The following HDGFL2 variants were observed in gnomAD, a reference collection of about 807,000 sequenced individuals.
HDGFL2 encodes HDGF like 2, also known as hepatoma-derived growth factor-related protein 2.
A neutral mutation model predicts 77.1 loss-of-function variants in HDGFL2; 36 were observed. The ratio of observed to expected loss-of-function variants is 0.47; its 90% CI spans 0.36 to 0.62. The LOEUF (loss-of-function observed/expected upper bound fraction) is 0.62. Among genes scored for constraint, HDGFL2 ranks in the 20% least tolerant of loss-of-function variants. HDGFL2 has a pLI of 0.00. For missense variants in HDGFL2, 976 were observed against 973.4 expected, an observed-to-expected ratio of 1.00 and a Z score of -0.04; for synonymous variants, 463 against 413.1, an observed-to-expected ratio of 1.12 and a Z score of -1.46.
At chr19:4,490,726 A>C (rs995006731) in intron 4 of HDGFL2, among the ~76,000 whole-genome samples, 7 of 152,228 alleles carry the variant, frequency 4.6e-5, no homozygotes, top group African/African-American at 1.7e-4. Context: ...GGAAAATGCA[A>C]AGAACAGAGA....
intron 1 of HDGFL2, among the ~76,000 whole-genome samples, chr19:4,472,954 G>T (rs1028566144): frequency 1.9e-4 from 28 of 150,440 alleles, no homozygotes; most frequent in African/African-American, 6.8e-4. Context: ...GGTGTCTGCG[G>T]CCTGAGAGAC....
At chr19:4,490,864 T>G in intron 4 of HDGFL2, among the ~76,000 whole-genome samples, 1 of 150,038 alleles carries the variant, frequency 6.7e-6, no homozygotes, top group Non-Finnish European at 1.5e-5. Context: ...CAGGCTGGAG[T>G]GTGATGGCGC....
intron 6 of HDGFL2, among the ~76,000 whole-genome samples, chr19:4,493,002 T>TG (rs1975573562): frequency 7.8e-6 from 1 of 127,936 alleles, no homozygotes; most frequent in African/African-American, 3.1e-5. Flanking sequence ...GTGTGTGTGG[T>TG]TGTGTGTGGT....
intron 3 of HDGFL2, among the ~76,000 whole-genome samples, chr19:4,480,540 G>C (rs1259159328): frequency 6.6e-6 from 1 of 152,190 alleles, no homozygotes; most frequent in Non-Finnish European, 1.5e-5. Flanking sequence ...CCAATGGGGT[G>C]AAACCCCATC....
intron 4 of HDGFL2, 35 bp from the exon 5 acceptor site, chr19:4,491,531 C>G: frequency 6.3e-7 from 1 of 1,586,122 alleles, no homozygotes; most frequent in South Asian, 1.1e-5. Flanking sequence ...GCCCGGCCTT[C>G]CCATCACTGA....
intron 4 of HDGFL2, among the ~76,000 whole-genome samples, chr19:4,490,907 G>T (rs141742577): frequency 6.6e-6 from 1 of 151,710 alleles, no homozygotes; most frequent in African/African-American, 2.4e-5. Flanking sequence ...TGCCTCCCAG[G>T]TTCAAGCGAT....
chr19:4,475,209 G>T, intron 1 of HDGFL2, 66 bp from the exon 2 acceptor site: 1 of 1,436,100 alleles, frequency 7.0e-7, no homozygotes, highest in Non-Finnish European at 9.7e-7. Flanking sequence ...AAGTAACTTG[G>T]CTGATTTCTC....
rs1975620423 is a variant in HDGFL2, at chr19:4,493,852, C to G, written c.828C>G (p.Gly276=). 1.3e-6 allele frequency: 2 copies of G among 1,507,720 alleles called. No individual in the cohort carries two copies. The highest frequency in any genetic ancestry group is 1.8e-6 in the Non-Finnish European group (2 of 1,121,724). The allele number at this position is 1,507,720 out of a possible 1,614,324, so 93.4% of individuals were successfully genotyped here. A position where few individuals can be genotyped will look rare whatever the true frequency, so the allele number is the denominator to read the frequency against. ...TGTCTGTGAAGAAGCCTCCGAGGGG[C>G]AGGAAGCCAGGTAGGGCCCTCGTGC... is the stretch of plus-strand genomic sequence containing the variant. ...SDVSVKKPPR[G]RKPAEKPLPK... The change falls in exon 7 of 16, where the codon GGC becomes GGG. Residue 276 remains glycine, a synonymous_variant. Coordinates refer to ENST00000616600, the MANE Select transcript of HDGFL2 (RefSeq NM_001001520.3).
intron 4 of HDGFL2, among the ~76,000 whole-genome samples, chr19:4,490,210 C>T (rs1200023875): frequency 6.6e-6 from 1 of 152,222 alleles, no homozygotes; most frequent in Non-Finnish European, 1.5e-5. Flanking sequence ...GCCTCAGCCT[C>T]CTGAGTAACT....
chr19:4,491,840 C>A lies in HDGFL2; in HGVS notation c.678+5C>A. 1 of 1,612,796 alleles carries A rather than the reference C, an allele frequency of 6.2e-7. No individual in the cohort carries two copies. The highest frequency in any genetic ancestry group is 8.5e-7 in the Non-Finnish European group (1 of 1,178,972). On this transcript the variant is annotated splice_donor_5th_base_variant and intron_variant, in intron 6 of 15. Coordinates refer to ENST00000616600, the MANE Select transcript of HDGFL2 (RefSeq NM_001001520.3). ...CTGGGGGGACGGAAAAAAAAGGTAG[C>A]GTGCACTTGACTTTGTTTCCCATGC...
At chr19:4,494,683 G>A (rs1400213010) in intron 9 of HDGFL2, among the ~76,000 whole-genome samples, 1 of 152,184 alleles carries the variant, frequency 6.6e-6, no homozygotes, top group Non-Finnish European at 1.5e-5. Context: ...ACTTTGGGCA[G>A]CTGAAGTGGG....
intron 13 of HDGFL2, 73 bp downstream of exon 13, chr19:4,498,988 G>A (rs955425181): frequency 3.8e-6 from 4 of 1,063,388 alleles, no homozygotes; most frequent in Non-Finnish European, 4.2e-6. Context: ...GGGAGCCCAG[G>A]CCCCCAGCAG....
At chr19:4,497,214 CAG>C (rs1975728832) in intron 10 of HDGFL2, 12 of 431,756 alleles carry the variant, frequency 2.8e-5, no homozygotes, top group South Asian at 6.5e-5. Context: ...TTTTTTGAGA[CAG>C]AGTCTTGGGC....
At chr19:4,497,733 CG>C in intron 10 of HDGFL2, 1 of 555,404 alleles carries the variant, frequency 1.8e-6, no homozygotes, top group Non-Finnish European at 3.2e-6. Context: ...CATGAGAACT[CG>C]GGAAAAGGCT....
In HDGFL2 at chr19:4,497,942, G is replaced by A. The variant is rs1231342078; in HGVS notation, c.1329-16G>A. 6.4e-7 allele frequency: 1 copy of A among 1,550,800 alleles called. No individual in the cohort carries two copies. Among genetic ancestry groups the A allele is most frequent in the Admixed American group, 2.0e-5 (1 of 51,016 alleles). ...GCCGGTGACGGGGCCCGACTGAGGG[G>A]AGCACTTCTCCACAGGCCCGTGAAG... is the stretch of plus-strand genomic sequence containing the variant. On this transcript the variant is annotated splice_polypyrimidine_tract_variant and intron_variant, in intron 10 of 15. Coordinates refer to ENST00000616600, the MANE Select transcript of HDGFL2 (RefSeq NM_001001520.3).
chr19:4,475,205 C>G (rs1209028879), intron 1 of HDGFL2, 70 bp from the exon 2 acceptor site: 2 of 1,403,798 alleles, frequency 1.4e-6, no homozygotes, highest in Non-Finnish European at 2.0e-6. Flanking sequence ...CCCCAAGTAA[C>G]TTGGCTGATT....
chr19:4,494,553 C>T (rs1270776017), intron 9 of HDGFL2, 78 bp downstream of exon 9: 4 of 1,116,488 alleles, frequency 3.6e-6, no homozygotes, highest in Non-Finnish European at 4.6e-6. Flanking sequence ...GAGGCAGTAT[C>T]CCAGGTTCCG....
At chr19:4,501,748 G>A (rs963747195) in intron 15 of HDGFL2, 163 bp from the exon 16 acceptor site, 1 of 563,868 alleles carries the variant, frequency 1.8e-6, no homozygotes, top group Non-Finnish European at 3.0e-6. Context: ...CCTGGAGATG[G>A]TTGTGGTCTC....
intron 10 of HDGFL2, among the ~76,000 whole-genome samples, chr19:4,496,671 G>C (rs555232853): frequency 1.3e-5 from 2 of 152,240 alleles, no homozygotes; most frequent in East Asian, 3.9e-4. Context: ...TGTCATGACT[G>C]GGGGGTGCTC....
Sources: allele counts gnomAD v4.1 joint callset (sites outside exome capture counted in the v4.1 genomes callset), GRCh38; gene constraint gnomAD v4.1.1; transcripts MANE v1.5; gene names NCBI Gene and HGNC (gene_info 2026-07-23, HGNC 2026-07-21).